The following KLHL29 variants were observed in gnomAD, a reference collection of about 807,000 sequenced individuals.
KLHL29 encodes kelch like family member 29, also known as kelch-like protein 29.
Under a neutral mutation model 80.4 loss-of-function variants are expected in KLHL29, and 21 were observed. The ratio of observed to expected loss-of-function variants is 0.26; its 90% CI spans 0.19 to 0.38. The LOEUF (loss-of-function observed/expected upper bound fraction) is 0.38, where lower values mean the gene tolerates loss of function less well. Among genes scored for constraint, KLHL29 ranks in the 10% least tolerant of loss-of-function variants. KLHL29 has a pLI of 1.00. For missense variants in KLHL29, 867 were observed against 1,223.9 expected (o/e 0.71, Z 4.35); for synonymous variants, 511 against 526.8 (o/e 0.97, Z 0.41).
chr2:23,426,025 C>T (rs1291247964), intron 1 of KLHL29, among the ~76,000 whole-genome samples: 1 of 152,136 alleles, frequency 6.6e-6, no homozygotes, highest in Non-Finnish European at 1.5e-5. Context: ...TTCAAAGATA[C>T]TGATCACAGA....
At chr2:23,540,416 C>A (rs1210499771) in intron 2 of KLHL29, among the ~76,000 whole-genome samples, 2 of 152,240 alleles carry the variant, frequency 1.3e-5, no homozygotes, top group African/African-American at 2.4e-5. Context: ...GCGTTTCCAC[C>A]ATTGCAGAAA....
At chr2:23,558,021 C>G (rs545416478) in intron 2 of KLHL29, among the ~76,000 whole-genome samples, 1 of 152,098 alleles carries the variant, frequency 6.6e-6, no homozygotes, top group Non-Finnish European at 1.5e-5. Context: ...GTTGCCATGA[C>G]GAGCGAAGGG....
chr2:23,495,663 C>T (rs1665241413), intron 2 of KLHL29, among the ~76,000 whole-genome samples: 1 of 152,194 alleles, frequency 6.6e-6, no homozygotes, highest in Non-Finnish European at 1.5e-5. Flanking sequence ...CTCCACTGTA[C>T]CCACAGCTCC....
At position 23,693,249 on chromosome 2, in the gene KLHL29, T is replaced by C. The variant is rs1371984228; in HGVS notation, c.1283-20T>C. ...GCTTCCCGGGCCTTTGGGTCAGTGG[T>C]CCTGCGCTGTCGCCCCCAGAGAAGC... On this transcript the variant is annotated intron_variant, in intron 7 of 13. Coordinates refer to ENST00000486442, the MANE Select transcript of KLHL29 (RefSeq NM_052920.2). 1.3e-6 allele frequency: 2 copies of C among 1,535,994 alleles called. No homozygotes were observed. The highest frequency in any genetic ancestry group is 2.8e-5 in the African/African-American group (2 of 72,704).
At chr2:23,541,723 C>T (rs990490619) in intron 2 of KLHL29, among the ~76,000 whole-genome samples, 2 of 146,880 alleles carry the variant, frequency 1.4e-5, no homozygotes, top group African/African-American at 5.2e-5. Flanking sequence ...CCCTCGCAAT[C>T]GAAAACAGGA....
intron 4 of KLHL29, 74 bp from the exon 5 acceptor site, chr2:23,642,264 A>C: frequency 7.5e-7 from 1 of 1,326,130 alleles, no homozygotes; most frequent in Non-Finnish European, 9.8e-7. Flanking sequence ...CACCCAGTGC[A>C]GGGCCGGGGA....
chr2:23,386,495 G>A (rs1390478303), intron 1 of KLHL29, among the ~76,000 whole-genome samples: 1 of 152,220 alleles, frequency 6.6e-6, no homozygotes, highest in Non-Finnish European at 1.5e-5. Flanking sequence ...GACGCGGAAA[G>A]GAGAGCTCAC....
intron 3 of KLHL29, among the ~76,000 whole-genome samples, chr2:23,587,690 C>T (rs1364533790): frequency 6.6e-6 from 1 of 152,190 alleles, no homozygotes; most frequent in Non-Finnish European, 1.5e-5. Context: ...CCACGGCGTA[C>T]GTGTCACCCA....
chr2:23,634,030 C>T (rs1669543755), intron 3 of KLHL29, among the ~76,000 whole-genome samples: 1 of 152,176 alleles, frequency 6.6e-6, no homozygotes. Flanking sequence ...GGTCTCTCTC[C>T]AAGCCTGTGT....
At chr2:23,563,345 T>C (rs1399679399) in intron 3 of KLHL29, among the ~76,000 whole-genome samples, 1 of 152,168 alleles carries the variant, frequency 6.6e-6, no homozygotes, top group Non-Finnish European at 1.5e-5. Flanking sequence ...ATGGCTGTGG[T>C]AGGAAGGCCA....
rs866239614 is a variant in KLHL29, at chr2:23,696,445, C to A, written c.2037C>A (p.Leu679=). The change falls in exon 11 of 14, where the codon CTC becomes CTA. Residue 679 remains leucine (L), a synonymous_variant. Coordinates refer to ENST00000486442, the MANE Select transcript of KLHL29 (RefSeq NM_052920.2). This position sits in a 1 kb window ranked among gnomAD's most constrained non-coding sequence, Gnocchi z 5.5. ...TCCCCCGCTGTCGGCACAATAGCCT[C>A]GTCTACGATGGGAAGATTTACACCC... ...MTVPRCRHNS[L]VYDGKIYTLG... is the part of the protein sequence containing the mutation. The A allele has an allele frequency of 2.1e-5, 33 of 1,550,716 alleles. No homozygotes were observed. The highest frequency in any genetic ancestry group is 2.5e-5 in the Non-Finnish European group (29 of 1,146,654).
Position 23,691,678 on chromosome 2 carries a change from G to A in KLHL29, c.1084G>A (p.Val362Met), listed in dbSNP as rs368416333. The change falls in exon 7 of 14, where the codon GTG becomes ATG. Residue 362 changes from valine (V) to methionine (M), a missense_variant. Around this residue, in one of 2 missense-constraint regions of KLHL29, gnomAD observed 443 missense variants for 767.0 expected, o/e 0.58. Transcript: ENST00000486442. The stretch of plus-strand genomic sequence containing the variant: ...CACCCTGGTCTCTGTGCCTAGGTCC[G>A]TGCAAGACAGCGGCCAGGGCGGCCG... ...LYFKDLIQRS[V>M]QDSGQGGREK... 9.4e-5 allele frequency: 146 copies of A among 1,551,528 alleles called. No individual in the cohort carries two copies. Among genetic ancestry groups the A allele is most frequent in the South Asian group, 1.2e-4 (10 of 84,066 alleles).
chr2:23,455,113 A>C (rs1664011828), intron 1 of KLHL29, among the ~76,000 whole-genome samples: 1 of 152,024 alleles, frequency 6.6e-6, no homozygotes, highest in South Asian at 2.1e-4. Context: ...ATGTCTCTTG[A>C]ATGTGGCCTC....
rs532666403 is a variant in KLHL29, at chr2:23,503,032, A to G, written c.-46+27365A>G. Among the ~76,000 whole-genome samples the G allele has an allele frequency of 9.2e-5, 14 of 152,060 alleles. No individual in the cohort carries two copies. The highest frequency in any genetic ancestry group is 1.8e-4 in the Non-Finnish European group (12 of 67,970). ...TACAGTTGTATTTTCCTCTTTAATC[A>G]TAAGGATTTACATCAGGAAAAATAA... On this transcript the variant is annotated intron_variant, in intron 2 of 13. Coordinates refer to ENST00000486442, the MANE Select transcript of KLHL29 (RefSeq NM_052920.2). The surrounding 1 kb of genome is among the most constrained non-coding windows in gnomAD (Gnocchi z 4.0).
intron 1 of KLHL29, among the ~76,000 whole-genome samples, chr2:23,431,858 C>T (rs1443396343): frequency 2.8e-5 from 4 of 141,988 alleles, no homozygotes; most frequent in Admixed American, 7.4e-5. Flanking sequence ...GCCGAGATTG[C>T]GCCACTGTAC....
rs1206466650 is a variant in KLHL29 at position 23,695,733 on chromosome 2, C to T, written c.1653C>T (p.Asp551=). 2 of 1,551,498 alleles carry T rather than the reference C, an allele frequency of 1.3e-6. No individual in the cohort carries two copies. Among genetic ancestry groups the T allele is most frequent in the Non-Finnish European group, 1.7e-6 (2 of 1,146,998 alleles). Residue 551 remains aspartate (D), a synonymous_variant, in exon 9 of 14, where the codon GAC becomes GAT. Coordinates refer to ENST00000486442, the MANE Select transcript of KLHL29 (RefSeq NM_052920.2). The surrounding 1 kb of genome is among the most constrained non-coding windows in gnomAD (Gnocchi z 7.6). ...TCAAGTCATCAGAAGCCTGCCGGGA[C>T]CTGGTGAACGAGGCCAAACGCTACC... ...ELIKSSEACR[D]LVNEAKRYHM... is the part of the protein sequence containing the mutation.
intron 2 of KLHL29, among the ~76,000 whole-genome samples, chr2:23,557,731 G>C (rs939915736): frequency 3.3e-5 from 5 of 152,126 alleles, no homozygotes; most frequent in African/African-American, 1.2e-4. Flanking sequence ...CCGGGTTGCT[G>C]GCCGCCCTCA....
Position 23,642,453 on chromosome 2 carries a change from G to C in KLHL29, c.543G>C (p.Pro181=). The part of the protein sequence containing the change: ...TFSPAVNVQA[P]VIGVTPSLPP... ...GCCCGGCTGTGAACGTCCAGGCCCC[G>C]GTCATTGGGGTGACCCCCTCACTGC... is the stretch of plus-strand genomic sequence containing the variant. The change falls in exon 5 of 14, where the codon CCG becomes CCC. Residue 181 remains proline (P), a synonymous_variant. Coordinates refer to ENST00000486442, the MANE Select transcript of KLHL29 (RefSeq NM_052920.2). 4 of 1,507,090 alleles carry C rather than the reference G, an allele frequency of 2.7e-6. No individual in the cohort carries two copies. Among genetic ancestry groups the C allele is most frequent in the Non-Finnish European group, 3.6e-6 (4 of 1,122,332 alleles). 93.4% of individuals were successfully genotyped at this position (1,507,090 alleles called of 1,614,324 possible).
intron 3 of KLHL29, among the ~76,000 whole-genome samples, chr2:23,563,520 CAT>C (rs1491275568): frequency 6.6e-6 from 1 of 152,208 alleles, no homozygotes; most frequent in South Asian, 2.1e-4. Context: ...TGTGTGTGCA[CAT>C]GTGTGTGTGT....
Sources: allele counts gnomAD v4.1 joint callset (sites outside exome capture counted in the v4.1 genomes callset), GRCh38; gene constraint gnomAD v4.1.1; regional missense constraint gnomAD v4.1.1; non-coding constraint Gnocchi (gnomAD v3.1); transcripts MANE v1.5; gene names NCBI Gene and HGNC (gene_info 2026-07-23, HGNC 2026-07-21).